CATSPERE: variants seen among roughly 807,000 people sequenced by gnomAD.
CATSPERE encodes the protein cation channel sperm-associated auxiliary subunit epsilon.
CATSPERE carries 93 observed loss-of-function variants against 114.1 expected under a neutral mutation model. That is an observed-to-expected ratio of 0.81 (90% CI 0.69 to 0.97). CATSPERE has a LOEUF of 0.97. CATSPERE is among the 50% of genes least tolerant of loss of function. The probability of loss-of-function intolerance (pLI) is 0.00; values close to 1 mark genes in which losing one functional copy is unlikely to be tolerated. For missense variants in CATSPERE, 1,058 were observed against 1,131.6 expected, an observed-to-expected ratio of 0.93 and a Z score of 0.93; for synonymous variants, 341 against 384.1, an observed-to-expected ratio of 0.89 and a Z score of 1.31.
rs79196402 is a variant in CATSPERE, at chr1:244,490,217, G to C, written c.327-230G>C. ...ATGTTATTGAGGCAGGAAGCATGCA[G>C]ATTTAAGCCACTCAGCCTTCTGTGA... On this transcript the variant is annotated intron_variant, in intron 5 of 21. Coordinates refer to ENST00000366534, the MANE Select transcript of CATSPERE (RefSeq NM_001130957.2). 9.5e-3 allele frequency among the ~76,000 whole-genome samples: 1,454 copies of C among 152,286 alleles called. 25 individuals carry two copies. The highest frequency in any genetic ancestry group is 0.032 in the African/African-American group (1,316 of 41,554).
rs1669627671 is a variant in CATSPERE at position 244,477,916 on chromosome 1, A to G, written c.199A>G (p.Thr67Ala). 1 of 1,607,146 alleles carries G rather than the reference A, an allele frequency of 6.2e-7. No homozygotes were observed. The highest frequency in any genetic ancestry group is 8.5e-7 in the Non-Finnish European group (1 of 1,174,716). ...CTTTTTAAACACTAGCTCACCCACG[A>G]CAGAATTGCGTTGTTCCTCACCTGG... ...CFVLNKSSPT[T>A]ELRCSSPGVH... The change falls in exon 4 of 22, where the codon ACA becomes GCA. Residue 67 changes from threonine (T) to alanine (A), a missense_variant. Physicochemically the swap from Thr to Ala is moderately conservative, Grantham distance 58. Coordinates refer to ENST00000366534, the MANE Select transcript of CATSPERE (RefSeq NM_001130957.2).
Position 244,499,063 on chromosome 1 carries a change from CAGA to C in CATSPERE, c.418_420del (p.Glu140del). The C allele has an allele frequency of 6.2e-7, 1 of 1,610,134 alleles. No individual in the cohort carries two copies. Among genetic ancestry groups the C allele is most frequent in the South Asian group, 1.1e-5 (1 of 90,950 alleles). On this transcript the variant is annotated inframe_deletion, in exon 7 of 22. Coordinates refer to ENST00000366534, the MANE Select transcript of CATSPERE (RefSeq NM_001130957.2). The stretch of plus-strand genomic sequence containing the variant: ...GATCCTGATGAGTTGCTGGGGAATG[CAGA>C]AGAACCTTCAATAGTAGGTGGAAAC...
At chr1:244,494,382 C>G (rs1672745590) in intron 6 of CATSPERE, among the ~76,000 whole-genome samples, 1 of 141,618 alleles carries the variant, frequency 7.1e-6, no homozygotes, top group African/African-American at 2.7e-5. Flanking sequence ...TATTCTCACT[C>G]ATAGGTGGGA....
At chr1:244,547,483 A>G (rs1292963886) in intron 8 of CATSPERE, among the ~76,000 whole-genome samples, 1 of 152,220 alleles carries the variant, frequency 6.6e-6, no homozygotes, top group Non-Finnish European at 1.5e-5. Context: ...AGCCAAAACT[A>G]TTAAAAATAA....
chr1:244,570,231 A>T lies in CATSPERE; in HGVS notation c.1508-2099A>T, dbSNP rs1432535897. 7.2e-5 allele frequency among the ~76,000 whole-genome samples: 11 copies of T among 152,210 alleles called. No homozygotes were observed. The East Asian group carries it at 2.1e-3, about 29-fold the overall frequency. ...TGTAGATTTTCTAATTTATTGGCAA[A>T]AGTAGGCTATTTTAACTTTTAAATT... On this transcript the variant is annotated intron_variant, in intron 10 of 21. Transcript: ENST00000366534.
At chr1:244,611,050 G>A (rs571995625) in intron 19 of CATSPERE, among the ~76,000 whole-genome samples, 13 of 151,952 alleles carry the variant, frequency 8.6e-5, no homozygotes, top group South Asian at 2.1e-4. Flanking sequence ...GTGAGCCACC[G>A]CACCCAGCCT....
At position 244,633,493 on chromosome 1, in the gene CATSPERE, T is replaced by A. The variant is rs1193272642; in HGVS notation, c.2649-1996T>A. Among the ~76,000 whole-genome samples, 1 of 152,174 alleles carries A rather than the reference T, an allele frequency of 6.6e-6. No homozygotes were observed. Among genetic ancestry groups the A allele is most frequent in the African/African-American group, 2.4e-5 (1 of 41,440 alleles). On this transcript the variant is annotated intron_variant, in intron 20 of 21. Coordinates refer to ENST00000366534, the MANE Select transcript of CATSPERE (RefSeq NM_001130957.2). This position sits in a 1 kb window ranked among gnomAD's most constrained non-coding sequence, Gnocchi z 4.1. ...CCACTTACATCTAATCTATTCCAAA[T>A]CACTTTACAAACTGCTATTGAATTA... is the stretch of plus-strand genomic sequence containing the variant.
At chr1:244,494,832 A>T (rs1393540107) in intron 6 of CATSPERE, among the ~76,000 whole-genome samples, 1 of 152,190 alleles carries the variant, frequency 6.6e-6, no homozygotes, top group Non-Finnish European at 1.5e-5. Context: ...GTGGATCAAG[A>T]TGATTGCGTA....
chr1:244,635,631 C>A, intron 21 of CATSPERE, 89 bp downstream of exon 21: 3 of 946,434 alleles, frequency 3.2e-6, no homozygotes, highest in Non-Finnish European at 5.0e-6. Context: ...TCCCCCGTGT[C>A]TCCCAGAAGC....
chr1:244,546,164 C>G (rs1053820422), intron 8 of CATSPERE, among the ~76,000 whole-genome samples: 5 of 152,178 alleles, frequency 3.3e-5, no homozygotes, highest in South Asian at 2.1e-4. Context: ...CTGTGGACTT[C>G]AGATGCACCC....
Position 244,461,460 on chromosome 1 carries a change from C to T in CATSPERE, c.31C>T (p.Leu11=), listed in dbSNP as rs2148059422. 7.3e-7 allele frequency: 1 copy of T among 1,372,810 alleles called. No individual in the cohort carries two copies. Among genetic ancestry groups the T allele is most frequent in the Non-Finnish European group, 9.5e-7 (1 of 1,055,962 alleles). 85.0% of individuals were successfully genotyped at this position (1,372,810 alleles called of 1,614,324 possible). MSAREVAVLL[L]WLSCYGSALW... The stretch of plus-strand genomic sequence containing the variant: ...AGCCCGGGAAGTGGCCGTGCTGCTG[C>T]TGTGGCTGAGCTGCTATGGCTCCGC... Residue 11 remains leucine, a synonymous_variant, in exon 1 of 22, where the codon CTG becomes TTG. Coordinates refer to ENST00000366534, the MANE Select transcript of CATSPERE (RefSeq NM_001130957.2).
intron 19 of CATSPERE, among the ~76,000 whole-genome samples, chr1:244,615,462 G>A (rs111696300): frequency 4.6e-5 from 7 of 151,682 alleles, no homozygotes; most frequent in South Asian, 2.1e-4. Flanking sequence ...AAACATCACA[G>A]AGAGCACTTA....
intron 11 of CATSPERE, among the ~76,000 whole-genome samples, chr1:244,580,855 G>T (rs902071734): frequency 1.3e-5 from 2 of 151,986 alleles, no homozygotes; most frequent in African/African-American, 4.8e-5. Context: ...ACAAAAATTG[G>T]CTGGATGTGG....
At chr1:244,602,668 A>T (rs1669424427) in intron 17 of CATSPERE, among the ~76,000 whole-genome samples, 3 of 152,194 alleles carry the variant, frequency 2.0e-5, no homozygotes, top group Admixed American at 1.3e-4. Flanking sequence ...TGAGTCTATC[A>T]CGCTCCAATC....
intron 11 of CATSPERE, among the ~76,000 whole-genome samples, chr1:244,574,956 C>T (rs1665014217): frequency 6.6e-6 from 1 of 152,096 alleles, no homozygotes; most frequent in Non-Finnish European, 1.5e-5. Flanking sequence ...ACTTTTTCTT[C>T]CTAGTCTTAC....
upstream of CATSPERE, among the ~76,000 whole-genome samples, chr1:244,461,220 G>C (rs548743687): frequency 2.0e-5 from 3 of 152,078 alleles, no homozygotes; most frequent in Admixed American, 6.5e-5. Context: ...TTCGCACTCC[G>C]GCTACTTTCA....
intron 1 of CATSPERE, among the ~76,000 whole-genome samples, chr1:244,462,428 A>G (rs1398615132): frequency 6.6e-6 from 1 of 152,228 alleles, no homozygotes; most frequent in Non-Finnish European, 1.5e-5. Flanking sequence ...GCCTATCCTT[A>G]GCCCCAGTAG....
At chr1:244,503,430 T>A (rs1418104481) in intron 7 of CATSPERE, among the ~76,000 whole-genome samples, 1 of 152,210 alleles carries the variant, frequency 6.6e-6, no homozygotes, top group East Asian at 1.9e-4. Flanking sequence ...GTTCTTATTC[T>A]ATCTCCTGAA....
In CATSPERE at chr1:244,584,022, G is replaced by GTACAATACCTCCA. The variant is rs1159282979; in HGVS notation, c.2085+85_2085+97dup. ...ACCAAATAATGCATACAATACCTCC[G>GTACAATACCTCCA]TACAATACCTCCATGCAATACCTCC... On this transcript the variant is annotated intron_variant, in intron 13 of 21. Coordinates refer to ENST00000366534, the MANE Select transcript of CATSPERE (RefSeq NM_001130957.2). The GTACAATACCTCCA allele has an allele frequency of 1.7e-4, 173 of 1,022,466 alleles. 3 individuals carry two copies. The highest frequency in any genetic ancestry group is 1.5e-3 in the South Asian group (108 of 72,640). The allele number at this position is 1,022,466 out of a possible 1,614,324, so 63.3% of individuals were successfully genotyped here.
Sources: gnomAD v4.1 joint callset for allele counts (sites outside exome capture counted in the v4.1 genomes callset) on GRCh38, gnomAD v4.1.1 for gene constraint, Gnocchi (gnomAD v3.1) non-coding constraint, MANE v1.5 for transcripts, NCBI Gene and HGNC (gene_info 2026-07-23, HGNC 2026-07-21) for gene names.